RBFOX1: variants seen among roughly 807,000 people sequenced by gnomAD.
RBFOX1 encodes RNA binding fox-1 homolog 1, also known as RNA binding protein fox-1 homolog 1.
RBFOX1 carries 8 observed loss-of-function variants against 57.7 expected under a neutral mutation model. The ratio of observed to expected loss-of-function variants is 0.14; its 90% confidence interval spans 0.08 to 0.25. RBFOX1 has a LOEUF of 0.25. RBFOX1 is among the 10% of genes least tolerant of loss of function. RBFOX1 has a pLI of 1.00. For synonymous variants in RBFOX1, 326 were observed against 222.4 expected, an observed-to-expected ratio of 1.47 and a Z score of -4.15; for missense variants, 611 against 548.5, an observed-to-expected ratio of 1.11 and a Z score of -1.14.
At chr16:6,108,116 A>AG (rs1395489747) in intron 1 of RBFOX1, among the ~76,000 whole-genome samples, 1 of 152,222 alleles carries the variant, frequency 6.6e-6, no homozygotes, top group Non-Finnish European at 1.5e-5. Flanking sequence ...TACATGTATT[A>AG]CTTCTTAAAA....
intron 4 of RBFOX1, among the ~76,000 whole-genome samples, chr16:7,098,879 C>T (rs1054799822): frequency 2.0e-5 from 3 of 152,080 alleles, no homozygotes; most frequent in South Asian, 2.1e-4. Flanking sequence ...CTATTTTTTG[C>T]AGTAACCCTC....
intron 14 of RBFOX1, among the ~76,000 whole-genome samples, chr16:7,684,499 A>T (rs2075629029): frequency 6.6e-6 from 1 of 152,062 alleles, no homozygotes; most frequent in East Asian, 1.9e-4. Context: ...ATCAAAGCCA[A>T]ATATTCTCGT....
intron 2 of RBFOX1, among the ~76,000 whole-genome samples, chr16:6,564,889 C>G (rs1282649587): frequency 2.6e-5 from 4 of 151,884 alleles, no homozygotes; most frequent in African/African-American, 9.7e-5. Flanking sequence ...GTCTGTAATC[C>G]CAGCACTTTG....
chr16:7,610,321 G>T lies in RBFOX1; in HGVS notation c.676+2983G>T, dbSNP rs183720751. On this transcript the variant is annotated intron_variant, in intron 10 of 15. Coordinates refer to ENST00000550418, the MANE Select transcript of RBFOX1 (RefSeq NM_018723.4). ...TTTTTTGTAGAGACAGGGTTTTGCC[G>T]TGTTGGCTAGGCTGGTCTTGAACTT... Among the ~76,000 whole-genome samples the T allele has an allele frequency of 2.8e-4, 42 of 151,524 alleles. No homozygotes were observed. The South Asian group carries it at 4.2e-3, about 15-fold the overall frequency.
intron 2 of RBFOX1, among the ~76,000 whole-genome samples, chr16:6,406,895 C>G (rs189817105): frequency 3.3e-5 from 5 of 152,178 alleles, no homozygotes; most frequent in Non-Finnish European, 7.4e-5. Flanking sequence ...GCTGGCTGAC[C>G]CCCCTACTGA....
At chr16:6,527,489 A>T (rs1174498813) in intron 2 of RBFOX1, among the ~76,000 whole-genome samples, 1 of 152,138 alleles carries the variant, frequency 6.6e-6, no homozygotes, top group Non-Finnish European at 1.5e-5. Context: ...ATTCAAGTTG[A>T]ATGTATAATT....
intron 3 of RBFOX1, among the ~76,000 whole-genome samples, chr16:5,768,524 A>G (rs985878725): frequency 1.3e-5 from 2 of 152,176 alleles, no homozygotes; most frequent in Admixed American, 1.3e-4. Context: ...GCAGAATACC[A>G]TTTTTCCAGT....
intron 5 of RBFOX1, among the ~76,000 whole-genome samples, chr16:7,526,569 C>T (rs1490436296): frequency 6.6e-6 from 1 of 152,174 alleles, no homozygotes; most frequent in Non-Finnish European, 1.5e-5. Flanking sequence ...AGTTCTTTTC[C>T]TTTGAGGAGG....
intron 1 of RBFOX1, among the ~76,000 whole-genome samples, chr16:6,177,189 T>TG (rs1431801522): frequency 6.6e-6 from 1 of 151,432 alleles, no homozygotes; most frequent in Non-Finnish European, 1.5e-5. Context: ...CTTGTTTGTT[T>TG]TTTTTTTTTT....
At chr16:6,949,806 T>TG (rs1277326550) in intron 3 of RBFOX1, among the ~76,000 whole-genome samples, 1 of 151,228 alleles carries the variant, frequency 6.6e-6, no homozygotes, top group Non-Finnish European at 1.5e-5. Flanking sequence ...AATTTTTTTT[T>TG]TCTGTGTGTG....
In RBFOX1 at chr16:6,513,337, C is replaced by G. The variant is rs1417669889; in HGVS notation, c.-63-141266C>G. Among the ~76,000 whole-genome samples the G allele has an allele frequency of 2.0e-5, 3 of 152,180 alleles. No homozygotes were observed. The South Asian group carries it at 6.2e-4, about 31-fold the overall frequency. ...TCTGTCAGCTTCTCCTCCTTGTTGT[C>G]TAACTTTGTGCTTGGATAGCATTCC... On this transcript the variant is annotated intron_variant, in intron 2 of 15. Coordinates refer to ENST00000550418, the MANE Select transcript of RBFOX1 (RefSeq NM_018723.4).
At chr16:6,640,546 T>A (rs2098478820) in intron 2 of RBFOX1, among the ~76,000 whole-genome samples, 1 of 152,032 alleles carries the variant, frequency 6.6e-6, no homozygotes. Flanking sequence ...AAGCGGAGAT[T>A]GCAGTGAGCT....
chr16:5,769,927 C>T (rs1434418562), intron 3 of RBFOX1, among the ~76,000 whole-genome samples: 1 of 152,142 alleles, frequency 6.6e-6, no homozygotes. Flanking sequence ...GCAAGGATAC[C>T]TTGGAAGAAA....
chr16:5,679,231 C>A (rs78603963), intron 3 of RBFOX1, among the ~76,000 whole-genome samples: 1 of 152,180 alleles, frequency 6.6e-6, no homozygotes, highest in Non-Finnish European at 1.5e-5. Flanking sequence ...CAGGAGTTTT[C>A]TGTTCATCTG....
intron 4 of RBFOX1, among the ~76,000 whole-genome samples, chr16:7,068,388 C>G (rs112928424): frequency 6.6e-6 from 1 of 152,174 alleles, no homozygotes; most frequent in African/African-American, 2.4e-5. Context: ...AGTCAGAGAC[C>G]AGAGCATTCA....
intron 3 of RBFOX1, among the ~76,000 whole-genome samples, chr16:6,900,390 A>C (rs1381410210): frequency 6.6e-6 from 1 of 152,182 alleles, no homozygotes; most frequent in Non-Finnish European, 1.5e-5. Flanking sequence ...GCTCCCATCA[A>C]GGAAAAAGAT....
intron 1 of RBFOX1, among the ~76,000 whole-genome samples, chr16:6,301,704 G>C (rs77349324): frequency 6.6e-6 from 1 of 152,016 alleles, no homozygotes; most frequent in Non-Finnish European, 1.5e-5. Context: ...CAGTTTAGGG[G>C]AGTGCCTAGA....
At chr16:6,276,179 C>T (rs949405952) in intron 1 of RBFOX1, among the ~76,000 whole-genome samples, 26 of 152,092 alleles carry the variant, frequency 1.7e-4, no homozygotes, top group South Asian at 4.2e-4. Context: ...ACGGATGACT[C>T]AAAGTGGAAG....
At chr16:6,744,253 C>T (rs1037156651) in intron 3 of RBFOX1, among the ~76,000 whole-genome samples, 13 of 151,960 alleles carry the variant, frequency 8.6e-5, no homozygotes, top group Non-Finnish European at 1.2e-4. Context: ...GAGAAATAGC[C>T]AAATATTTCA....
Sources: allele counts gnomAD v4.1 joint callset (sites outside exome capture counted in the v4.1 genomes callset), GRCh38; gene constraint gnomAD v4.1.1; transcripts MANE v1.5; gene names NCBI Gene and HGNC (gene_info 2026-07-23, HGNC 2026-07-21).